Variants in C1orf21 observed in about 807,000 individuals in gnomAD.
The protein encoded by C1orf21 is uncharacterized protein C1orf21.
Under a neutral mutation model 18.7 loss-of-function variants are expected in C1orf21, and 3 were observed. That is an observed-to-expected ratio of 0.16 (90% confidence interval 0.07 to 0.42). The LOEUF (loss-of-function observed/expected upper bound fraction) is 0.42, where lower values mean the gene tolerates loss of function less well. Among genes scored for constraint, C1orf21 ranks in the 10% least tolerant of loss-of-function variants. The pLI is 0.99. For synonymous variants in C1orf21, 41 were observed against 46.4 expected, an observed-to-expected ratio of 0.88 and a Z score of 0.47; for missense variants, 104 against 143.6, an observed-to-expected ratio of 0.72 and a Z score of 1.41.
Position 184,501,295 on chromosome 1 carries a change from T to G in C1orf21, c.95-6293T>G, listed in dbSNP as rs76940349. 2.6e-3 allele frequency among the ~76,000 whole-genome samples: 401 copies of G among 152,282 alleles called. 1 individual carries two copies. The highest frequency in any genetic ancestry group is 9.2e-3 in the African/African-American group (382 of 41,564). On this transcript the variant is annotated intron_variant, in intron 2 of 5. Coordinates refer to ENST00000235307, the MANE Select transcript of C1orf21 (RefSeq NM_030806.4). ...CACCTGTCTTACCTCCTGGAATTCT[T>G]CATGTCTGCCATGTTGCATGACTTG...
chr1:184,513,171 T>C (rs1267678859), intron 3 of C1orf21, among the ~76,000 whole-genome samples: 1 of 152,226 alleles, frequency 6.6e-6, no homozygotes, highest in African/African-American at 2.4e-5. Context: ...TGGGGACCAC[T>C]GTATTAAAGT....
intron 3 of C1orf21, among the ~76,000 whole-genome samples, chr1:184,583,223 GACA>G (rs1659303201): frequency 6.6e-6 from 1 of 152,162 alleles, no homozygotes; most frequent in Non-Finnish European, 1.5e-5. Context: ...GGAAGCTCGC[GACA>G]ACAGCATAAG....
chr1:184,511,109 A>C (rs1208081730), intron 3 of C1orf21, among the ~76,000 whole-genome samples: 1 of 152,214 alleles, frequency 6.6e-6, no homozygotes, highest in Non-Finnish European at 1.5e-5. Context: ...GATATGTTGA[A>C]ATCAGTAGGA....
In C1orf21 at chr1:184,410,620, TA is replaced by T. The variant is rs1557964879; in HGVS notation, c.-125+23253del. Among the ~76,000 whole-genome samples, 11 of 4,388 alleles carry T rather than the reference TA, an allele frequency of 2.5e-3. 1 individual carries two copies. Among genetic ancestry groups the T allele is most frequent in the African/African-American group, 0.01 (2 of 192 alleles). 2.9% of individuals were successfully genotyped at this position (4,388 alleles called of 152,430 possible). On this transcript the variant is annotated intron_variant, in intron 1 of 5. Coordinates refer to ENST00000235307, the MANE Select transcript of C1orf21 (RefSeq NM_030806.4). ...AAAGATTAATTTGCCATATATATTATATATATATATATATATATATATATAT... is the reference window on the plus strand; with the variant it reads ...AAAGATTAATTTGCCATATATATTATTATATATATATATATATATATATAT...
At chr1:184,523,903 G>T (rs763265402) in intron 3 of C1orf21, among the ~76,000 whole-genome samples, 1 of 152,060 alleles carries the variant, frequency 6.6e-6, no homozygotes, top group Non-Finnish European at 1.5e-5. Context: ...GGGTTATTGA[G>T]ACAAAAAGGT....
intron 1 of C1orf21, among the ~76,000 whole-genome samples, chr1:184,433,058 C>G (rs1032672451): frequency 1.3e-5 from 2 of 152,198 alleles, no homozygotes; most frequent in South Asian, 2.1e-4. Context: ...ACAAATAGCT[C>G]TCTTTGCTGA....
intron 2 of C1orf21, among the ~76,000 whole-genome samples, chr1:184,481,599 C>G (rs537976573): frequency 1.1e-4 from 17 of 152,316 alleles, no homozygotes; most frequent in African/African-American, 3.8e-4. Context: ...TCATTGCTCT[C>G]TCTGTGCCTC....
chr1:184,616,566 C>T (rs1659826708), intron 5 of C1orf21, among the ~76,000 whole-genome samples: 1 of 152,164 alleles, frequency 6.6e-6, no homozygotes, highest in African/African-American at 2.4e-5. Flanking sequence ...GGTTGGGGAG[C>T]CTTTACTGTG....
Position 184,628,597 on chromosome 1 carries a change from C to T in C1orf21, c.*9041C>T, listed in dbSNP as rs1660055445. 6.6e-6 allele frequency: 1 copy of T among 152,626 alleles called. No homozygotes were observed. The highest frequency in any genetic ancestry group is 1.5e-5 in the Non-Finnish European group (1 of 68,044). 9.5% of individuals were successfully genotyped at this position (152,626 alleles called of 1,614,324 possible). A position where few individuals can be genotyped will look rare whatever the true frequency, so the allele number is the denominator to read the frequency against. ...CTGGGAGATGAGGAAAGAAAACTCA[C>T]TCACAAACAACATAAATGTAAATAA... On this transcript the variant is annotated 3_prime_UTR_variant, in exon 6 of 6. Coordinates refer to ENST00000235307, the MANE Select transcript of C1orf21 (RefSeq NM_030806.4).
At chr1:184,525,117 G>A (rs1048053240) in intron 3 of C1orf21, among the ~76,000 whole-genome samples, 31 of 151,494 alleles carry the variant, frequency 2.0e-4, no homozygotes, top group Admixed American at 1.4e-3. Flanking sequence ...CATACCTGCA[G>A]GGATAAACAG....
At chr1:184,407,634 G>T (rs761903561) in intron 1 of C1orf21, among the ~76,000 whole-genome samples, 1 of 152,032 alleles carries the variant, frequency 6.6e-6, no homozygotes, top group Non-Finnish European at 1.5e-5. Flanking sequence ...CATCACCTTG[G>T]ATTATTTTGG....
chr1:184,480,036 A>G (rs184237418), intron 2 of C1orf21, among the ~76,000 whole-genome samples: 9 of 152,316 alleles, frequency 5.9e-5, no homozygotes, highest in African/African-American at 1.9e-4. Flanking sequence ...GCCATCTAGG[A>G]CTTTGTAAGA....
At chr1:184,396,828 C>T (rs1003232959) in intron 1 of C1orf21, among the ~76,000 whole-genome samples, 12 of 152,242 alleles carry the variant, frequency 7.9e-5, no homozygotes, top group Admixed American at 3.3e-4. Flanking sequence ...CTAATAACAT[C>T]CCCCCACCGC....
rs34186357 is a variant in C1orf21, at chr1:184,418,225, C to CTTTTT, written c.-125+30860_-125+30861insTTTTT. 3.3e-3 allele frequency among the ~76,000 whole-genome samples: 496 copies of CTTTTT among 151,260 alleles called. 5 individuals are homozygous for CTTTTT. Among genetic ancestry groups the CTTTTT allele is most frequent in the African/African-American group, 0.011 (469 of 40,928 alleles). ...CTCCAATAGAGTTATCATAACTTCT[C>CTTTTT]TTTATTTTTTGGAGATAGGGTCTTA... On this transcript the variant is annotated intron_variant, in intron 1 of 5. Coordinates refer to ENST00000235307, the MANE Select transcript of C1orf21 (RefSeq NM_030806.4).
intron 1 of C1orf21, among the ~76,000 whole-genome samples, chr1:184,388,208 C>G (rs894435264): frequency 2.6e-5 from 4 of 152,230 alleles, no homozygotes; most frequent in East Asian, 3.9e-4. Context: ...CTTAAGGGCT[C>G]TCAGCACTCG....
intron 1 of C1orf21, among the ~76,000 whole-genome samples, chr1:184,476,506 A>T (rs191666126): frequency 2.0e-5 from 3 of 152,322 alleles, no homozygotes. Flanking sequence ...AAAAATGAGC[A>T]AGTTGAGCAG....
At chr1:184,616,881 G>A (rs76323557) in intron 5 of C1orf21, among the ~76,000 whole-genome samples, 3,323 of 152,216 alleles carry the variant, frequency 0.022, 117 homozygotes, top group African/African-American at 0.075. Context: ...GGTTTCTGCC[G>A]TAGAAGTTTT....
At chr1:184,541,543 T>A (rs1658651152) in intron 3 of C1orf21, among the ~76,000 whole-genome samples, 1 of 152,192 alleles carries the variant, frequency 6.6e-6, no homozygotes, top group African/African-American at 2.4e-5. Context: ...TGGATATATA[T>A]CTTGTGCTCA....
chr1:184,607,843 TATG>T (rs1201110662), intron 5 of C1orf21, among the ~76,000 whole-genome samples: 1 of 152,088 alleles, frequency 6.6e-6, no homozygotes, highest in Non-Finnish European at 1.5e-5. Context: ...ATAAAAATTG[TATG>T]ATACCATGTA....
Sources: allele counts gnomAD v4.1 joint callset (sites outside exome capture counted in the v4.1 genomes callset), GRCh38; gene constraint gnomAD v4.1.1; transcripts MANE v1.5; gene names NCBI Gene and HGNC (gene_info 2026-07-23, HGNC 2026-07-21).